TBC1D9: variants seen among roughly 807,000 people sequenced by gnomAD.
The protein encoded by TBC1D9 is TBC1 domain family member 9, also known as TBC1 domain family member 9A.
A neutral mutation model predicts 132.0 loss-of-function variants in TBC1D9; 63 were observed. The ratio of observed to expected loss-of-function variants is 0.48; its 90% CI spans 0.39 to 0.59. TBC1D9 has a LOEUF of 0.59. TBC1D9 is among the 20% of genes least tolerant of loss of function. The pLI, the probability that TBC1D9 is intolerant of heterozygous loss-of-function variation, is 0.00. For synonymous variants in TBC1D9, 610 were observed against 609.9 expected, an observed-to-expected ratio of 1.00 and a Z score of 0.00; for missense variants, 1,261 against 1,592.7, an observed-to-expected ratio of 0.79 and a Z score of 3.54.
In TBC1D9 at chr4:140,707,340, A is replaced by G. The variant is rs538590619; in HGVS notation, c.131-5726T>C. On this transcript the variant is annotated intron_variant, in intron 1 of 20. Coordinates refer to ENST00000442267, the MANE Select transcript of TBC1D9 (RefSeq NM_015130.3). ...TCACCATCTAGAAGCTTCCATTTAT[A>G]TACATACTGGATTTCCATTCATTTC... 2.0e-5 allele frequency among the ~76,000 whole-genome samples: 3 copies of G among 152,282 alleles called. 1 individual carries two copies. The South Asian group carries it at 6.2e-4, about 32-fold the overall frequency.
At chr4:140,627,961 C>T (rs1012047060) in intron 17 of TBC1D9, among the ~76,000 whole-genome samples, 3 of 152,164 alleles carry the variant, frequency 2.0e-5, no homozygotes, top group Non-Finnish European at 4.4e-5. Flanking sequence ...AAAACCTCAC[C>T]ATTTTCCCCA....
rs548340065 is a variant in TBC1D9 at position 140,655,106 on chromosome 4, C to CT, written c.2337+1990dup. 4.6e-5 allele frequency among the ~76,000 whole-genome samples: 7 copies of CT among 151,780 alleles called. No individual in the cohort carries two copies. The South Asian group carries it at 1.3e-3, about 27-fold the overall frequency. ...ATGACAGAGCAAGTATTTAGAAGGA[C>CT]TTTTTTTTAAAGTGTATGTTGTAAG... On this transcript the variant is annotated intron_variant, in intron 13 of 20. Coordinates refer to ENST00000442267, the MANE Select transcript of TBC1D9 (RefSeq NM_015130.3).
In TBC1D9 at chr4:140,622,865, G is replaced by T; in HGVS notation, c.3131C>A (p.Pro1044His). Residue 1044 changes from proline (P) to histidine (H), a missense_variant, in exon 21 of 21, where the codon CCC (proline) becomes CAC (histidine). This residue lies in a region of TBC1D9 where 618 missense variants were observed against 724.4 expected (regional missense o/e 0.85). Transcript: ENST00000442267. ...KTMYNMFSED[P>H]NEQELYHATA... ...GGCGTGGTACAGCTCCTGCTCATTG[G>T]GGTCTTCGCTGAACATGTTATACAT... is the stretch of plus-strand genomic sequence containing the variant. 6.3e-7 allele frequency: 1 copy of T among 1,588,514 alleles called. No homozygotes were observed. The highest frequency in any genetic ancestry group is 8.5e-7 in the Non-Finnish European group (1 of 1,170,000).
At chr4:140,754,431 T>A (rs1438408573) in intron 1 of TBC1D9, among the ~76,000 whole-genome samples, 1 of 151,766 alleles carries the variant, frequency 6.6e-6, no homozygotes, top group Non-Finnish European at 1.5e-5. Context: ...CTGGCCAACA[T>A]GGTGAAACCC....
intron 1 of TBC1D9, among the ~76,000 whole-genome samples, chr4:140,752,945 G>A (rs1738948783): frequency 6.6e-6 from 1 of 152,080 alleles, no homozygotes; most frequent in African/African-American, 2.4e-5. Context: ...CACTGATCCA[G>A]ATAATGCATA....
chr4:140,662,887 A>G (rs531655970), intron 9 of TBC1D9, among the ~76,000 whole-genome samples: 2 of 152,322 alleles, frequency 1.3e-5, no homozygotes, highest in South Asian at 4.1e-4. Flanking sequence ...CTTTTTTTAT[A>G]CCATGTACCA....
intron 13 of TBC1D9, chr4:140,644,911 T>G: frequency 2.2e-6 from 1 of 445,760 alleles, no homozygotes; most frequent in Non-Finnish European, 4.4e-6. Context: ...GCCCCCAGGC[T>G]GGGTGGGAAC....
At position 140,648,385 on chromosome 4, in the gene TBC1D9, G is replaced by T. The variant is rs1423235486; in HGVS notation, c.2337+8712C>A. Among the ~76,000 whole-genome samples, 430 of 121,830 alleles carry T rather than the reference G, an allele frequency of 3.5e-3. 2 individuals carry two copies. Among genetic ancestry groups the T allele is most frequent in the African/African-American group, 0.011 (355 of 33,254 alleles). The allele number at this position is 121,830 out of a possible 152,430, so 79.9% of individuals were successfully genotyped here. ...TGAGCAGAAAGGCAGTTTTGTTGTT[G>T]TTTTTTTTTTTTTTTTTTGAGACAG... is the stretch of plus-strand genomic sequence containing the variant. On this transcript the variant is annotated intron_variant, in intron 13 of 20. Coordinates refer to ENST00000442267, the MANE Select transcript of TBC1D9 (RefSeq NM_015130.3).
intron 1 of TBC1D9, among the ~76,000 whole-genome samples, chr4:140,703,008 A>G (rs1433064223): frequency 6.6e-6 from 1 of 152,230 alleles, no homozygotes; most frequent in Non-Finnish European, 1.5e-5. Context: ...ACTGAAGGTA[A>G]TAAGACTTAG....
rs780963068 is a variant in TBC1D9, at chr4:140,686,352, T to C, written c.352A>G (p.Lys118Glu). 1 of 1,562,850 alleles carries C rather than the reference T, an allele frequency of 6.4e-7. No homozygotes were observed. Among genetic ancestry groups the C allele is most frequent in the Non-Finnish European group, 8.8e-7 (1 of 1,140,364 alleles). The change falls in exon 3 of 21, where the codon AAA becomes GAA. Residue 118 changes from lysine (K) to glutamate (E), a missense_variant. Around this residue, in one of 3 missense-constraint regions of TBC1D9, gnomAD observed 550 missense variants for 699.0 expected, o/e 0.79. Transcript: ENST00000442267. Reference protein sequence around the residue: ...ENDITTFVRGKIQGIIAEYNK... With the variant: ...ENDITTFVRGEIQGIIAEYNK... ...TTCTTTTATCCCACTACCTGTATTT[T>C]TCCTCTCACAAATGTGGTGATATCA...
intron 2 of TBC1D9, among the ~76,000 whole-genome samples, chr4:140,698,101 G>A (rs1283461130): frequency 6.6e-6 from 1 of 152,172 alleles, no homozygotes; most frequent in Non-Finnish European, 1.5e-5. Context: ...ACTATGAAAC[G>A]ATTCTAGATT....
chr4:140,663,833 T>C (rs749215189), intron 9 of TBC1D9, among the ~76,000 whole-genome samples: 9 of 151,954 alleles, frequency 5.9e-5, no homozygotes, highest in Non-Finnish European at 1.2e-4. Context: ...TGGAATCTAA[T>C]ATAGTCAAAC....
chr4:140,720,496 T>C (rs1296027664), intron 1 of TBC1D9, among the ~76,000 whole-genome samples: 1 of 152,204 alleles, frequency 6.6e-6, no homozygotes, highest in Non-Finnish European at 1.5e-5. Flanking sequence ...CAGCTAATTA[T>C]TATCTCCATT....
Position 140,669,795 on chromosome 4 carries a change from G to T in TBC1D9, c.1276C>A (p.Arg426=). 1 of 1,613,450 alleles carries T rather than the reference G, an allele frequency of 6.2e-7. No individual in the cohort carries two copies. ...CTGGAGGAGACGAGGCTGCTGGGTC[G>T]AGAGTACACCTGTCAATACAGAGAG... is the stretch of plus-strand genomic sequence containing the variant. ...YNSSDDEVYS[R]PSSLVSSSPQ... is the part of the protein sequence containing the mutation. The change falls in exon 8 of 21, where the codon CGA becomes AGA. Residue 426 remains arginine, a synonymous_variant. Transcript: ENST00000442267.
chr4:140,671,933 C>A (rs1256970703), intron 6 of TBC1D9, among the ~76,000 whole-genome samples: 1 of 152,112 alleles, frequency 6.6e-6, no homozygotes, highest in African/African-American at 2.4e-5. Context: ...TTCCCTTCTT[C>A]ATTTCTACTG....
intron 1 of TBC1D9, among the ~76,000 whole-genome samples, chr4:140,740,074 T>A (rs1427182454): frequency 2.6e-5 from 4 of 152,170 alleles, no homozygotes; most frequent in Non-Finnish European, 5.9e-5. Flanking sequence ...TCATGGAACT[T>A]CATCTAGCTT....
Position 140,662,076 on chromosome 4 carries a change from C to A in TBC1D9, c.1620G>T (p.Gly540=), listed in dbSNP as rs1317090492. The A allele has an allele frequency of 1.2e-6, 2 of 1,613,786 alleles. No homozygotes were observed. The highest frequency in any genetic ancestry group is 2.7e-5 in the African/African-American group (2 of 74,908). The change falls in exon 10 of 21, where the codon GGG becomes GGT. Residue 540 remains glycine (G), a synonymous_variant. Coordinates refer to ENST00000442267, the MANE Select transcript of TBC1D9 (RefSeq NM_015130.3). ...ACTTCTCCACTAGGTCTTCATAGTA[C>A]CCAGGATGTGTGGCCTTCTCATTGA... The part of the protein sequence containing the change: ...GAINEKATHP[G]YYEDLVEKSM...
At chr4:140,754,979 T>C (rs948043796) in intron 1 of TBC1D9, among the ~76,000 whole-genome samples, 1 of 152,246 alleles carries the variant, frequency 6.6e-6, no homozygotes, top group African/African-American at 2.4e-5. Flanking sequence ...CTCCAGGTGA[T>C]ATATGAGGTT....
intron 3 of TBC1D9, among the ~76,000 whole-genome samples, chr4:140,683,093 G>C (rs1053400041): frequency 6.6e-6 from 1 of 152,038 alleles, no homozygotes; most frequent in Non-Finnish European, 1.5e-5. Context: ...GGTCAGGCTG[G>C]TCTCGAACTC....
Sources: allele counts gnomAD v4.1 joint callset (sites outside exome capture counted in the v4.1 genomes callset), GRCh38; gene constraint gnomAD v4.1.1; regional missense constraint gnomAD v4.1.1; transcripts MANE v1.5; gene names NCBI Gene and HGNC (gene_info 2026-07-23, HGNC 2026-07-21).